Variants in CCDC50 observed in about 807,000 individuals in gnomAD.
The protein encoded by CCDC50 is coiled-coil domain containing 50.
In CCDC50, 54 loss-of-function variants were observed where a neutral mutation model predicts 70.2. The ratio of observed to expected loss-of-function variants is 0.77; its 90% CI spans 0.62 to 0.96. The LOEUF (loss-of-function observed/expected upper bound fraction) is 0.96. Ranked by LOEUF, CCDC50 falls within the 50% of genes least tolerant of loss-of-function variation. The probability of loss-of-function intolerance (pLI) is 0.00; values close to 1 mark genes in which losing one functional copy is unlikely to be tolerated. For synonymous variants in CCDC50, 216 were observed against 198.8 expected, an observed-to-expected ratio of 1.09 and a Z score of -0.73; for missense variants, 558 against 578.7, an observed-to-expected ratio of 0.96 and a Z score of 0.37.
chr3:191,342,345 C>G (rs1488338505), intron 1 of CCDC50, among the ~76,000 whole-genome samples: 1 of 151,848 alleles, frequency 6.6e-6, no homozygotes, highest in Non-Finnish European at 1.5e-5. Flanking sequence ...TTGAATATTG[C>G]TCTCAATCGT....
At chr3:191,352,394 CCTT>C (rs1387868521) in intron 1 of CCDC50, among the ~76,000 whole-genome samples, 3 of 141,888 alleles carry the variant, frequency 2.1e-5, no homozygotes, top group Non-Finnish European at 3.2e-5. Context: ...AGCCAGTCCT[CCTT>C]TCCATTTCTA....
chr3:191,350,529 C>A (rs922721389), intron 1 of CCDC50, among the ~76,000 whole-genome samples: 1 of 141,750 alleles, frequency 7.1e-6, no homozygotes, highest in African/African-American at 2.5e-5. Flanking sequence ...TTGTAATTTC[C>A]GAAAGTCTTA....
intron 1 of CCDC50, among the ~76,000 whole-genome samples, chr3:191,353,595 A>G (rs1053919071): frequency 2.8e-5 from 4 of 142,020 alleles, no homozygotes; most frequent in African/African-American, 7.5e-5. Flanking sequence ...GTAATTCTCA[A>G]TCTGGTTACT....
chr3:191,364,255 G>T (rs1712599444), intron 4 of CCDC50, among the ~76,000 whole-genome samples: 1 of 151,942 alleles, frequency 6.6e-6, no homozygotes, highest in Non-Finnish European at 1.5e-5. Context: ...TTTCAGTAGA[G>T]ACAGGGTTTC....
At chr3:191,362,698 T>C (rs927520013) in intron 4 of CCDC50, among the ~76,000 whole-genome samples, 3 of 152,102 alleles carry the variant, frequency 2.0e-5, no homozygotes, top group Non-Finnish European at 4.4e-5. Context: ...ATGATCAGGG[T>C]CATCAGTAAA....
At chr3:191,336,430 G>A (rs963262759) in intron 1 of CCDC50, among the ~76,000 whole-genome samples, 1 of 152,006 alleles carries the variant, frequency 6.6e-6, no homozygotes, top group Non-Finnish European at 1.5e-5. Context: ...TCATGATGTT[G>A]TGCCTTTTTT....
At chr3:191,363,205 G>A (rs1034311144) in intron 4 of CCDC50, among the ~76,000 whole-genome samples, 2 of 152,074 alleles carry the variant, frequency 1.3e-5, no homozygotes, top group African/African-American at 4.8e-5. Flanking sequence ...AAAATTAGCA[G>A]TTTAGTGATT....
intron 1 of CCDC50, among the ~76,000 whole-genome samples, chr3:191,349,313 T>A (rs1273519697): frequency 7.0e-6 from 1 of 142,338 alleles, no homozygotes. Context: ...GACATTTCTT[T>A]TGTAGGGTAG....
At chr3:191,366,168 C>G (rs1439444419) in intron 4 of CCDC50, among the ~76,000 whole-genome samples, 1 of 152,078 alleles carries the variant, frequency 6.6e-6, no homozygotes. Flanking sequence ...AATTGTTTTA[C>G]TAAAAGCAAG....
chr3:191,382,825 G>A lies in CCDC50; in HGVS notation c.1322G>A (p.Arg441Gln). Residue 441 changes from arginine (R) to glutamine (Q), a missense_variant and splice_region_variant, in exon 10 of 12, where the codon CGG becomes CAG. Coordinates refer to ENST00000392455, the MANE Select transcript of CCDC50 (RefSeq NM_178335.3). ...CATTCTAAGAATGAAAGGCCAGCAC[G>A]GTAAGCTGACACCTGAAAAGAAAAA... ...PHHSKNERPARPPPPIMTDGE... is the reference protein window; with the variant it reads ...PHHSKNERPAQPPPPIMTDGE... 3.1e-6 allele frequency: 5 copies of A among 1,607,834 alleles called. No individual in the cohort carries two copies. Among genetic ancestry groups the A allele is most frequent in the Non-Finnish European group, 4.3e-6 (5 of 1,174,604 alleles).
intron 1 of CCDC50, among the ~76,000 whole-genome samples, chr3:191,338,396 T>C (rs1350081645): frequency 6.6e-6 from 1 of 152,208 alleles, no homozygotes; most frequent in Non-Finnish European, 1.5e-5. Flanking sequence ...AAGAGAAAGA[T>C]AGGGGCTCAC....
At chr3:191,374,395 G>A (rs935358029) in intron 5 of CCDC50, among the ~76,000 whole-genome samples, 2 of 152,100 alleles carry the variant, frequency 1.3e-5, no homozygotes, top group Non-Finnish European at 2.9e-5. Flanking sequence ...TTTCAACTAA[G>A]ATTGAGAACA....
At chr3:191,340,985 C>A (rs1445681046) in intron 1 of CCDC50, among the ~76,000 whole-genome samples, 1 of 148,330 alleles carries the variant, frequency 6.7e-6, no homozygotes, top group Non-Finnish European at 1.5e-5. Flanking sequence ...ACAGGCCCAG[C>A]TAATTAATTT....
intron 5 of CCDC50, among the ~76,000 whole-genome samples, chr3:191,372,962 A>G (rs1028160953): frequency 6.6e-6 from 1 of 152,108 alleles, no homozygotes; most frequent in South Asian, 2.1e-4. Flanking sequence ...ATTTTGGTGA[A>G]GTACTTATTT....
Position 191,361,167 on chromosome 3 carries a change from T to A in CCDC50, c.330+8T>A, listed in dbSNP as rs755830147. The A allele has an allele frequency of 6.3e-7, 1 of 1,597,632 alleles. No homozygotes were observed. Among genetic ancestry groups the A allele is most frequent in the Non-Finnish European group, 8.6e-7 (1 of 1,165,100 alleles). On this transcript the variant is annotated splice_region_variant and intron_variant, in intron 4 of 11. Transcript: ENST00000392455. The stretch of plus-strand genomic sequence containing the variant: ...CAGGAGAAGAAGGATGAGGTATAAC[T>A]TAGTTACTGCCCCTCTCCCTCATGG...
chr3:191,332,456 G>A (rs886465915), intron 1 of CCDC50, among the ~76,000 whole-genome samples: 6 of 152,150 alleles, frequency 3.9e-5, no homozygotes, highest in Non-Finnish European at 7.4e-5. Flanking sequence ...TGGAACATCT[G>A]TATACTTTTT....
In CCDC50 at chr3:191,350,899, A is replaced by G. The variant is rs1270875456; in HGVS notation, c.50-6189A>G. Among the ~76,000 whole-genome samples the G allele has an allele frequency of 1.4e-5, 2 of 141,884 alleles. 1 individual carries two copies. The highest frequency in any genetic ancestry group is 3.2e-5 in the Non-Finnish European group (2 of 62,972). The allele number at this position is 141,884 out of a possible 152,430, so 93.1% of individuals were successfully genotyped here. On this transcript the variant is annotated intron_variant, in intron 1 of 11. Coordinates refer to ENST00000392455, the MANE Select transcript of CCDC50 (RefSeq NM_178335.3). ...TCACCGGCATTGCCAGTATAAATAC[A>G]AGTTAAGTTCCTGATTCTTGGCCAA...
chr3:191,344,954 CA>C (rs1711860562), intron 1 of CCDC50, among the ~76,000 whole-genome samples: 1 of 152,146 alleles, frequency 6.6e-6, no homozygotes, highest in Admixed American at 6.5e-5. Context: ...CTCACATCCT[CA>C]AATGCACATC....
rs370652793 is a variant in CCDC50 at position 191,358,017 on chromosome 3, G to A, written c.132G>A (p.Ser44=). 1.2e-6 allele frequency: 2 copies of A among 1,613,884 alleles called. No homozygotes were observed. The highest frequency in any genetic ancestry group is 2.2e-5 in the East Asian group (1 of 44,884). The change falls in exon 3 of 12, where the codon TCG becomes TCA. Residue 44 remains serine (S), a synonymous_variant. Transcript: ENST00000392455. ...QEQEIEHHLA[S]NVQRNRLVQH... ...TTCCAGTTGAGCATCATTTGGCATC[G>A]AACGTTCAGCGGAACCGTTTGGTCC...
Sources: allele counts gnomAD v4.1 joint callset (sites outside exome capture counted in the v4.1 genomes callset), GRCh38; gene constraint gnomAD v4.1.1; transcripts MANE v1.5; gene names NCBI Gene and HGNC (gene_info 2026-07-23, HGNC 2026-07-21).